Variants in PRMT7 observed in about 807,000 individuals in gnomAD.
PRMT7 encodes the protein protein arginine methyltransferase 7, also known as protein arginine N-methyltransferase 7.
A neutral mutation model predicts 85.4 loss-of-function variants in PRMT7; 75 were observed. The observed-to-expected ratio is 0.88, with a 90% CI of 0.73 to 1.06. PRMT7 has a LOEUF of 1.06. PRMT7 is among the 50% of genes least tolerant of loss of function. PRMT7 has a pLI of 0.00. For missense variants in PRMT7, 868 were observed against 915.2 expected, an observed-to-expected ratio of 0.95 and a Z score of 0.67; for synonymous variants, 397 against 359.5, an observed-to-expected ratio of 1.10 and a Z score of -1.18.
intron 16 of PRMT7, among the ~76,000 whole-genome samples, chr16:68,353,966 A>C (rs2087848640): frequency 6.6e-6 from 1 of 152,196 alleles, no homozygotes; most frequent in Non-Finnish European, 1.5e-5. Context: ...AACTGGGCCT[A>C]CGTTCTCCAG....
At chr16:68,332,256 A>G (rs990086587) in intron 6 of PRMT7, among the ~76,000 whole-genome samples, 1 of 152,068 alleles carries the variant, frequency 6.6e-6, no homozygotes, top group South Asian at 2.1e-4. Context: ...TGTCCTTTGC[A>G]TTGTAGGATG....
At chr16:68,320,836 T>C (rs961196921) in intron 3 of PRMT7, among the ~76,000 whole-genome samples, 2 of 152,148 alleles carry the variant, frequency 1.3e-5, no homozygotes, top group Non-Finnish European at 2.9e-5. Flanking sequence ...CAGCGACGGA[T>C]GCTTGTATTG....
At chr16:68,318,036 A>G (rs2082077186) in intron 3 of PRMT7, among the ~76,000 whole-genome samples, 2 of 151,916 alleles carry the variant, frequency 1.3e-5, no homozygotes, top group South Asian at 4.1e-4. Flanking sequence ...CCACTTCTTT[A>G]CTCTCTTGGC....
intron 3 of PRMT7, among the ~76,000 whole-genome samples, chr16:68,318,434 T>C (rs887121979): frequency 3.9e-5 from 6 of 152,150 alleles, no homozygotes; most frequent in Non-Finnish European, 8.8e-5. Flanking sequence ...CTCCTGACCT[T>C]GTGATCCGCC....
chr16:68,341,222 A>G (rs1040954043), intron 9 of PRMT7, among the ~76,000 whole-genome samples: 1 of 152,162 alleles, frequency 6.6e-6, no homozygotes, highest in African/African-American at 2.4e-5. Context: ...CACTCAAAGG[A>G]AAAGAAAGTG....
chr16:68,346,040 C>A, intron 10 of PRMT7, 105 bp from the exon 11 acceptor site: 1 of 1,533,204 alleles, frequency 6.5e-7, no homozygotes, highest in Non-Finnish European at 8.9e-7. Context: ...TTAGCGGGTG[C>A]TCTAAGCCCT....
At chr16:68,313,752 A>C (rs1274498764) in intron 2 of PRMT7, among the ~76,000 whole-genome samples, 2 of 152,256 alleles carry the variant, frequency 1.3e-5, no homozygotes, top group Non-Finnish European at 2.9e-5. Context: ...TGCTGGTTGC[A>C]ACCCATTGAT....
intron 6 of PRMT7, among the ~76,000 whole-genome samples, chr16:68,333,568 C>T (rs1343060107): frequency 6.6e-6 from 1 of 152,054 alleles, no homozygotes; most frequent in Admixed American, 6.5e-5. Context: ...CACAGTCCTT[C>T]TGCCTCAGCC....
At chr16:68,350,149 G>A (rs568631301) in intron 14 of PRMT7, among the ~76,000 whole-genome samples, 6 of 152,320 alleles carry the variant, frequency 3.9e-5, no homozygotes, top group East Asian at 1.9e-4. Context: ...AGCATTCCAC[G>A]GTGTGGCTAT....
chr16:68,355,948 G>A (rs1000994084), intron 17 of PRMT7, 65 bp downstream of exon 17: 23 of 1,444,584 alleles, frequency 1.6e-5, no homozygotes, highest in South Asian at 4.3e-5. Context: ...TCTCACCCCC[G>A]TGGTGAGCAC....
chr16:68,328,401 T>A (rs2083394229), intron 5 of PRMT7: 1 of 152,344 alleles, frequency 6.6e-6, no homozygotes, highest in Non-Finnish European at 1.5e-5. Context: ...ATAAAGTGTG[T>A]CTTTCTGAGA....
chr16:68,316,033 G>A lies in PRMT7; in HGVS notation c.54G>A (p.Leu18=). The change falls in exon 3 of 19, where the codon CTG becomes CTA. Residue 18 remains leucine, a synonymous_variant. Coordinates refer to ENST00000441236, the MANE Select transcript of PRMT7 (RefSeq NM_019023.5). The part of the protein sequence containing the change: ...ANPTTGSVEW[L]EEDEHYDYHQ... ...CGACCACGGGGTCTGTGGAGTGGCTGGAGGAGGATGAACACTATGATTACC... is the reference window on the plus strand; with the variant it reads ...CGACCACGGGGTCTGTGGAGTGGCTAGAGGAGGATGAACACTATGATTACC... The A allele has an allele frequency of 3.7e-6, 6 of 1,613,700 alleles. No individual in the cohort carries two copies. The highest frequency in any genetic ancestry group is 5.1e-6 in the Non-Finnish European group (6 of 1,179,954).
In PRMT7 at chr16:68,324,704, A is replaced by G. The variant is rs1462220372; in HGVS notation, c.154A>G (p.Ile52Val). The change falls in exon 5 of 19, where the codon ATC (isoleucine) becomes GTC (valine). Residue 52 changes from isoleucine (I) to valine (V), a missense_variant. Ile to Val is a conservative substitution (Grantham distance 29). Coordinates refer to ENST00000441236, the MANE Select transcript of PRMT7 (RefSeq NM_019023.5). ...TTAGAATGTAAAATACTACCAAGGTATCCGGGCTGCCGTGAGCAGGGTGAA... is the reference window on the plus strand; with the variant it reads ...TTAGAATGTAAAATACTACCAAGGTGTCCGGGCTGCCGTGAGCAGGGTGAA... ...KDRNVKYYQG[I>V]RAAVSRVKDR... 5.6e-6 allele frequency: 9 copies of G among 1,614,148 alleles called. No individual in the cohort carries two copies. In the Admixed American group the frequency reaches 1.0e-4, roughly 18 times the overall value.
intron 2 of PRMT7, chr16:68,315,196 T>C (rs912981501): frequency 6.6e-6 from 1 of 152,118 alleles, no homozygotes; most frequent in Non-Finnish European, 1.5e-5. Flanking sequence ...AACAATACTT[T>C]TGAAGTCCAC....
chr16:68,316,155 G>A (rs769521277), intron 3 of PRMT7, 81 bp downstream of exon 3: 24 of 1,236,830 alleles, frequency 1.9e-5, no homozygotes, highest in South Asian at 7.5e-5. Flanking sequence ...CAGTCTGAGC[G>A]TGGGCTAGGC....
intron 3 of PRMT7, among the ~76,000 whole-genome samples, chr16:68,320,203 A>G (rs1351242640): frequency 1.3e-5 from 2 of 152,210 alleles, no homozygotes; most frequent in Non-Finnish European, 2.9e-5. Context: ...AGCAAGATCA[A>G]GATGCTAGTG....
rs757100254 is a variant in PRMT7 at position 68,355,888 on chromosome 16, G to A, written c.1811+5G>A. On this transcript the variant is annotated splice_donor_5th_base_variant and intron_variant, in intron 17 of 18. Coordinates refer to ENST00000441236, the MANE Select transcript of PRMT7 (RefSeq NM_019023.5). ...GGGCACCGTGGAGCTCAGAAGGTGGGTGCAGAGAGGGCTGGGGGGCAGGGA... is the reference window on the plus strand; with the variant it reads ...GGGCACCGTGGAGCTCAGAAGGTGGATGCAGAGAGGGCTGGGGGGCAGGGA... 4 of 1,578,756 alleles carry A rather than the reference G, an allele frequency of 2.5e-6. No individual in the cohort carries two copies. Among genetic ancestry groups the A allele is most frequent in the Non-Finnish European group, 3.4e-6 (4 of 1,164,110 alleles).
intron 14 of PRMT7, 74 bp from the exon 15 acceptor site, chr16:68,352,174 C>A: frequency 1.3e-6 from 2 of 1,481,926 alleles, no homozygotes; most frequent in South Asian, 2.5e-5. Context: ...TGGCCTGTTG[C>A]TTCCGTGTTC....
intron 14 of PRMT7, chr16:68,352,035 GA>G: frequency 1.8e-6 from 1 of 548,972 alleles, no homozygotes. Flanking sequence ...GGCAGGTACA[GA>G]GCACCTTGCT....
Sources: gnomAD v4.1 joint callset for allele counts (sites outside exome capture counted in the v4.1 genomes callset) on GRCh38, gnomAD v4.1.1 for gene constraint, MANE v1.5 for transcripts, NCBI Gene and HGNC (gene_info 2026-07-23, HGNC 2026-07-21) for gene names.